Variants in SPMIP7 observed in about 807,000 individuals in gnomAD.
SPMIP7 encodes sperm microtubule inner protein 7, also known as protein SPMIP7.
the SPMIP7 span, among the ~76,000 whole-genome samples, chr7:50,112,795 G>A: frequency 5.3e-5 from 8 of 152,168 alleles, no homozygotes; most frequent in South Asian, 8.3e-4. Context: ...ATTCTTGTTG[G>A]ATTGAGGAGA....
the SPMIP7 span, among the ~76,000 whole-genome samples, chr7:50,139,273 C>A: frequency 6.7e-6 from 1 of 149,818 alleles, no homozygotes; most frequent in Non-Finnish European, 1.5e-5. Context: ...CACTTGAACC[C>A]GGGAGACGGA....
At chr7:50,151,594 C>A in the SPMIP7 span, 2 of 1,371,386 alleles carry the variant, frequency 1.5e-6, no homozygotes, top group Non-Finnish European at 2.0e-6. Flanking sequence ...TGCTCAGATA[C>A]ATTAGGAGGG....
the SPMIP7 span, among the ~76,000 whole-genome samples, chr7:50,139,655 A>T: frequency 6.6e-6 from 1 of 152,224 alleles, no homozygotes. Context: ...GCCACATCTC[A>T]GAATTCTTCA....
At chr7:50,118,549 G>A in the SPMIP7 span, among the ~76,000 whole-genome samples, 1 of 152,166 alleles carries the variant, frequency 6.6e-6, no homozygotes, top group Non-Finnish European at 1.5e-5. Context: ...TTTCCCATCT[G>A]AGAAAGCTGA....
the SPMIP7 span, among the ~76,000 whole-genome samples, chr7:50,131,862 G>C: frequency 6.6e-6 from 1 of 152,086 alleles, no homozygotes; most frequent in Non-Finnish European, 1.5e-5. Context: ...TGGATGAAGA[G>C]GGAAAGAGAG....
At chr7:50,145,602 GTGTGTATA>G in the SPMIP7 span, among the ~76,000 whole-genome samples, 3 of 53,342 alleles carry the variant, frequency 5.6e-5, no homozygotes, top group Non-Finnish European at 8.4e-5. Context: ...GTGTGTGTGT[GTGTGTATA>G]TGTGTGTGTA....
chr7:50,159,171 G>A, the SPMIP7 span: 15 of 1,551,256 alleles, frequency 9.7e-6, no homozygotes, highest in African/African-American at 1.2e-4. Flanking sequence ...GACTACTAGA[G>A]GAGGCGGCCC....
At chr7:50,140,081 A>C in the SPMIP7 span, 1 of 1,127,410 alleles carries the variant, frequency 8.9e-7, no homozygotes, top group Non-Finnish European at 1.2e-6. Flanking sequence ...TACTGTAATA[A>C]TTTGATGTTT....
chr7:50,122,703 C>T, the SPMIP7 span, among the ~76,000 whole-genome samples: 1 of 151,174 alleles, frequency 6.6e-6, no homozygotes, highest in South Asian at 2.1e-4. Flanking sequence ...CTACAATGAA[C>T]TCAAACAAAT....
the SPMIP7 span, among the ~76,000 whole-genome samples, chr7:50,122,266 T>A: frequency 6.6e-6 from 1 of 152,040 alleles, no homozygotes; most frequent in Non-Finnish European, 1.5e-5. Flanking sequence ...ACGCCGCATA[T>A]CTACAACTAT....
the SPMIP7 span, among the ~76,000 whole-genome samples, chr7:50,108,343 G>A: frequency 6.6e-6 from 1 of 152,088 alleles, no homozygotes; most frequent in African/African-American, 2.4e-5. Context: ...TGAGTATCTG[G>A]AAATGAAAAC....
At chr7:50,096,203 A>T in the SPMIP7 span, 1 of 1,551,702 alleles carries the variant, frequency 6.4e-7, no homozygotes, top group Non-Finnish European at 8.7e-7. Context: ...AAGAAAAATG[A>T]ACATGCCTTT....
At chr7:50,149,913 G>A in the SPMIP7 span, among the ~76,000 whole-genome samples, 1 of 152,010 alleles carries the variant, frequency 6.6e-6, no homozygotes, top group Non-Finnish European at 1.5e-5. Context: ...CTTCCGGTTG[G>A]TATCACTACC....
the SPMIP7 span, among the ~76,000 whole-genome samples, chr7:50,128,192 G>C: frequency 4.9e-3 from 739 of 152,040 alleles, 3 homozygotes; most frequent in African/African-American, 0.017. Flanking sequence ...AGGTCATTAT[G>C]TTAAATAAAA....
the SPMIP7 span, among the ~76,000 whole-genome samples, chr7:50,130,776 T>G: frequency 3.1e-4 from 47 of 151,940 alleles, no homozygotes; most frequent in African/African-American, 1.1e-3. Context: ...AGAGCAGCCA[T>G]GCAGAGATTT....
the SPMIP7 span, among the ~76,000 whole-genome samples, chr7:50,125,538 TTTCC>T: frequency 6.6e-6 from 1 of 151,102 alleles, no homozygotes; most frequent in African/African-American, 2.4e-5. Context: ...TCAAAAGTTA[TTTCC>T]TACCTAAGTG....
At chr7:50,136,020 G>A in the SPMIP7 span, 1 of 1,080,196 alleles carries the variant, frequency 9.3e-7, no homozygotes, top group Non-Finnish European at 1.4e-6. Context: ...AGAAAGGACT[G>A]TCAAGGGGAC....
At chr7:50,149,810 A>G in the SPMIP7 span, among the ~76,000 whole-genome samples, 3 of 152,154 alleles carry the variant, frequency 2.0e-5, no homozygotes, top group Admixed American at 6.5e-5. Flanking sequence ...TTTCCCCCTA[A>G]CATTCTGATA....
chr7:50,136,460 G>A, the SPMIP7 span, among the ~76,000 whole-genome samples: 9 of 45,012 alleles, frequency 2.0e-4, no homozygotes, highest in Admixed American at 2.5e-4. Flanking sequence ...GGATCCAGGA[G>A]GCAGAGATGC....
Sources: gnomAD v4.1 joint callset for allele counts (sites outside exome capture counted in the v4.1 genomes callset) on GRCh38, gnomAD v4.1.1 for gene constraint, MANE v1.5 for transcripts, NCBI Gene and HGNC (gene_info 2026-07-23, HGNC 2026-07-21) for gene names.